FBXL13: variants seen among roughly 807,000 people sequenced by gnomAD.
The protein encoded by FBXL13 is F-box and leucine-rich repeat protein 13.
In FBXL13, 67 loss-of-function variants were observed where a neutral mutation model predicts 83.6. The ratio of observed to expected loss-of-function variants is 0.80; its 90% CI spans 0.66 to 0.98. The LOEUF (loss-of-function observed/expected upper bound fraction) is 0.98. FBXL13 is among the 50% of genes least tolerant of loss of function. The pLI is 0.00. For missense variants in FBXL13, 822 were observed against 866.5 expected (o/e 0.95, Z 0.64); for synonymous variants, 272 against 299.5 (o/e 0.91, Z 0.95).
At chr7:103,017,861 G>C (rs1228040663) in intron 6 of FBXL13, among the ~76,000 whole-genome samples, 2 of 152,222 alleles carry the variant, frequency 1.3e-5, no homozygotes, top group African/African-American at 4.8e-5. Context: ...TGGTGTACCT[G>C]AAAGTGACAG....
At chr7:102,841,808 A>G (rs59709436) in intron 17 of FBXL13, among the ~76,000 whole-genome samples, 32,173 of 152,050 alleles carry the variant, frequency 0.21, 4,026 homozygotes, top group East Asian at 0.59. Flanking sequence ...GGTCTCCAGG[A>G]GTATGTTGTT....
chr7:102,922,973 G>A (rs775309748), intron 10 of FBXL13, among the ~76,000 whole-genome samples: 8 of 151,882 alleles, frequency 5.3e-5, no homozygotes, highest in Admixed American at 3.3e-4. Flanking sequence ...GCGAGACTCC[G>A]TCTCAACAAA....
intron 8 of FBXL13, among the ~76,000 whole-genome samples, chr7:102,944,037 A>G (rs1030969721): frequency 1.3e-5 from 2 of 152,248 alleles, no homozygotes; most frequent in Non-Finnish European, 2.9e-5. Context: ...GAAAGTACTT[A>G]TAGTTAAAAG....
In FBXL13 at chr7:102,970,005, C is replaced by G. The variant is rs574062901; in HGVS notation, c.496-1888G>C. ...GTGGCTCACACCTATAATTCCAGCACTTTAGGAGGCTGAGGTGGGAGGCTT... is the reference window on the plus strand; with the variant it reads ...GTGGCTCACACCTATAATTCCAGCAGTTTAGGAGGCTGAGGTGGGAGGCTT... On this transcript the variant is annotated intron_variant, in intron 6 of 19. Coordinates refer to ENST00000313221, the Ensembl canonical transcript of FBXL13. Among the ~76,000 whole-genome samples, 82 of 152,242 alleles carry G rather than the reference C, an allele frequency of 5.4e-4. 1 individual carries two copies. The South Asian group carries it at 0.016, about 29-fold the overall frequency.
chr7:102,944,584 GTAA>G, intron 8 of FBXL13: 1 of 1,608,402 alleles, frequency 6.2e-7, no homozygotes, highest in Non-Finnish European at 8.5e-7. Flanking sequence ...GAAGCAAAGC[GTAA>G]TAATTACTAT....
chr7:102,934,360 C>A (rs201985657), intron 8 of FBXL13: 21 of 1,614,158 alleles, frequency 1.3e-5, no homozygotes, highest in Non-Finnish European at 1.7e-5. Context: ...AGGAAGTGTT[C>A]ATTTACACAC....
At chr7:102,887,534 G>A (rs1810961627) in intron 11 of FBXL13, among the ~76,000 whole-genome samples, 1 of 152,094 alleles carries the variant, frequency 6.6e-6, no homozygotes, top group African/African-American at 2.4e-5. Context: ...GTGGGGGCTG[G>A]CAAATCTGAA....
Position 102,836,788 on chromosome 7 carries a change from AT to A in FBXL13, c.1720-3815del, listed in dbSNP as rs201261992. ...AGGAGACTGAATTTCACTCACATTT[AT>A]TGACTGTCACAATAATGTGCTTCTG... On this transcript the variant is annotated intron_variant, in intron 17 of 19. Coordinates refer to ENST00000313221, the Ensembl canonical transcript of FBXL13. Among the ~76,000 whole-genome samples the A allele has an allele frequency of 0.014, 2,128 of 152,300 alleles. 115 individuals are homozygous for A. The East Asian group carries it at 0.16, about 11-fold the overall frequency.
chr7:103,073,880 G>T lies in FBXL13; in HGVS notation c.-105+366C>A, dbSNP rs1047248745. 4.6e-5 allele frequency among the ~76,000 whole-genome samples: 7 copies of T among 151,974 alleles called. No individual in the cohort carries two copies. The South Asian group carries it at 1.5e-3, about 32-fold the overall frequency. On this transcript the variant is annotated intron_variant, in intron 1 of 19. Transcript: ENST00000313221. ...CTCTCTCCCTCATTCTCCACATAAC[G>T]TATCTTTGCTCGAACCTCCTACTGC... is the stretch of plus-strand genomic sequence containing the variant.
At chr7:103,060,064 A>ATATATATATATATAT (rs71110809) in intron 1 of FBXL13, among the ~76,000 whole-genome samples, 13 of 81,922 alleles carry the variant, frequency 1.6e-4, no homozygotes, top group Non-Finnish European at 2.8e-4. Context: ...ATATATATAT[A>ATATATATATATATAT]CTTTTTTTTT....
At chr7:103,066,974 G>T (rs1798461118) in intron 1 of FBXL13, among the ~76,000 whole-genome samples, 2 of 151,592 alleles carry the variant, frequency 1.3e-5, no homozygotes, top group Admixed American at 1.3e-4. Context: ...TATTTTTAGT[G>T]ATCTTTCTCC....
intron 18 of FBXL13, among the ~76,000 whole-genome samples, chr7:102,829,856 G>A (rs1584481300): frequency 6.6e-6 from 1 of 152,134 alleles, no homozygotes; most frequent in Non-Finnish European, 1.5e-5. Flanking sequence ...ATCAACATAA[G>A]TGGAATATGT....
chr7:102,936,693 C>T (rs1820375839), intron 8 of FBXL13, among the ~76,000 whole-genome samples: 1 of 152,202 alleles, frequency 6.6e-6, no homozygotes, highest in Admixed American at 6.5e-5. Context: ...CCTCAAGCTA[C>T]AGTGAATTTG....
chr7:102,940,732 C>G (rs1299861646), intron 8 of FBXL13, among the ~76,000 whole-genome samples: 1 of 152,158 alleles, frequency 6.6e-6, no homozygotes, highest in Non-Finnish European at 1.5e-5. Flanking sequence ...CTAAGCAAAG[C>G]CTCTGGCGAA....
At chr7:102,853,946 T>A (rs1805643591) in intron 17 of FBXL13, among the ~76,000 whole-genome samples, 1 of 152,154 alleles carries the variant, frequency 6.6e-6, no homozygotes. Flanking sequence ...GTTCAACCAT[T>A]GTGGAAGCCA....
chr7:102,821,214 C>A (rs1798768213), intron 19 of FBXL13, among the ~76,000 whole-genome samples: 1 of 152,120 alleles, frequency 6.6e-6, no homozygotes, highest in South Asian at 2.1e-4. Flanking sequence ...TATCTCCAGA[C>A]CTATCAGGAA....
chr7:102,952,233 A>G (rs1175195586), intron 8 of FBXL13, among the ~76,000 whole-genome samples: 1 of 152,210 alleles, frequency 6.6e-6, no homozygotes, highest in African/African-American at 2.4e-5. Flanking sequence ...GGTACAAACT[A>G]TCAGTTTTGT....
chr7:103,074,657 CA>C (rs1319472418), upstream of FBXL13: 1 of 1,280,984 alleles, frequency 7.8e-7, no homozygotes, highest in Non-Finnish European at 1.0e-6. Flanking sequence ...TCTAACTCCC[CA>C]CCGACGGTCT....
At chr7:102,884,607 TCAAG>T (rs1315419291) in intron 11 of FBXL13, among the ~76,000 whole-genome samples, 1 of 152,052 alleles carries the variant, frequency 6.6e-6, no homozygotes, top group Non-Finnish European at 1.5e-5. Flanking sequence ...AGCCAGGAGT[TCAAG>T]GCCAGCCTGG....
Sources: allele counts gnomAD v4.1 joint callset (sites outside exome capture counted in the v4.1 genomes callset), GRCh38; gene constraint gnomAD v4.1.1; transcripts MANE v1.5; gene names NCBI Gene and HGNC (gene_info 2026-07-23, HGNC 2026-07-21).